SYNE2: variants seen among roughly 807,000 people sequenced by gnomAD.
The protein encoded by SYNE2 is nesprin-2.
Under a neutral mutation model 856.3 loss-of-function variants are expected in SYNE2, and 431 were observed. The observed-to-expected ratio is 0.50, with a 90% CI of 0.47 to 0.55. SYNE2 has a LOEUF of 0.55. SYNE2 is among the 20% of genes least tolerant of loss of function. SYNE2 has a pLI of 0.00. For missense variants in SYNE2, 8,129 were observed against 8,023.2 expected (o/e 1.01, Z -0.50); for synonymous variants, 2,923 against 2,872.3 (o/e 1.02, Z -0.56).
intron 1 of SYNE2, among the ~76,000 whole-genome samples, chr14:63,895,561 TG>T (rs1410160073): frequency 7.2e-6 from 1 of 139,554 alleles, no homozygotes; most frequent in Non-Finnish European, 1.5e-5. Flanking sequence ...GAGACCAGCC[TG>T]GGCAACATGG....
intron 102 of SYNE2, 21 bp downstream of exon 102, chr14:64,209,599 G>T: frequency 1.2e-6 from 2 of 1,613,260 alleles, no homozygotes; most frequent in East Asian, 2.2e-5. Flanking sequence ...TCTCCATCCC[G>T]GTCTCCTGAT....
chr14:63,924,030 C>T (rs2095631169), intron 2 of SYNE2, among the ~76,000 whole-genome samples: 1 of 152,026 alleles, frequency 6.6e-6, no homozygotes, highest in Non-Finnish European at 1.5e-5. Flanking sequence ...TGGTCTTGAA[C>T]TCCTGGGCTC....
intron 1 of SYNE2, among the ~76,000 whole-genome samples, chr14:63,832,436 C>G (rs7150579): frequency 1.3e-5 from 2 of 151,914 alleles, no homozygotes; most frequent in Non-Finnish European, 2.9e-5. Flanking sequence ...CCACCATTCC[C>G]GGCCTTAGCC....
At chr14:64,093,282 A>G in intron 60 of SYNE2, 67 bp from the exon 61 acceptor site, 1 of 1,585,624 alleles carries the variant, frequency 6.3e-7, no homozygotes, top group Non-Finnish European at 8.6e-7. Flanking sequence ...GGGCTAGACA[A>G]TGAAAATAGT....
chr14:63,765,085 G>C (rs1208428320), intron 1 of SYNE2, among the ~76,000 whole-genome samples: 1 of 152,124 alleles, frequency 6.6e-6, no homozygotes, highest in Non-Finnish European at 1.5e-5. Context: ...CTGAGGAAGG[G>C]GCTGTTCTAA....
chr14:63,939,442 G>A (rs1187048553), intron 2 of SYNE2, among the ~76,000 whole-genome samples: 1 of 149,888 alleles, frequency 6.7e-6, no homozygotes, highest in Admixed American at 6.7e-5. Flanking sequence ...CCGCCTCCTC[G>A]GTTCAAATGA....
In SYNE2 at chr14:64,031,024, G is replaced by A; in HGVS notation, c.6888G>A (p.Glu2296=). 1 of 1,613,378 alleles carries A rather than the reference G, an allele frequency of 6.2e-7. No homozygotes were observed. Among genetic ancestry groups the A allele is most frequent in the Non-Finnish European group, 8.5e-7 (1 of 1,179,558 alleles). The stretch of plus-strand genomic sequence containing the variant: ...CTTTTCTCCACTCGTAGGAACTAGA[G>A]AATAGACTCAGTTTACAAGATGGCA... ...EEKLQKLQEL[E]NRLSLQDGTL... is the part of the protein sequence containing the mutation. The change falls in exon 45 of 116, where the codon GAG becomes GAA. Residue 2296 remains glutamate, a synonymous_variant. Coordinates refer to ENST00000555002, the MANE Select transcript of SYNE2 (RefSeq NM_182914.3).
At chr14:64,118,671 G>A (rs1049877165) in intron 66 of SYNE2, among the ~76,000 whole-genome samples, 6 of 151,946 alleles carry the variant, frequency 3.9e-5, no homozygotes, top group African/African-American at 1.4e-4. Flanking sequence ...GACCAGCCTG[G>A]CCAAAATGGC....
At chr14:63,860,286 C>T (rs755314208) in intron 1 of SYNE2, among the ~76,000 whole-genome samples, 14 of 150,452 alleles carry the variant, frequency 9.3e-5, no homozygotes, top group Non-Finnish European at 2.9e-5. Flanking sequence ...GAACCCTCCC[C>T]TCCAGACAGG....
At chr14:63,854,822 A>G (rs1056186996) in intron 1 of SYNE2, among the ~76,000 whole-genome samples, 4 of 152,234 alleles carry the variant, frequency 2.6e-5, no homozygotes, top group African/African-American at 4.8e-5. Context: ...CTGAGTCACA[A>G]TGAGGTTATT....
chr14:64,214,356 G>A lies in SYNE2; in HGVS notation c.19219G>A (p.Glu6407Lys). 8 of 1,614,062 alleles carry A rather than the reference G, an allele frequency of 5.0e-6. No individual in the cohort carries two copies. The highest frequency in any genetic ancestry group is 4.4e-5 in the South Asian group (4 of 91,070). The change falls in exon 106 of 116, where the codon GAG (glutamate) becomes AAG (lysine). Residue 6407 changes from glutamate to lysine, a missense_variant. Glu to Lys is a moderately conservative substitution (Grantham distance 56). This residue lies in a region of SYNE2 where 5,410 missense variants were observed against 5,284.8 expected (regional missense o/e 1.02). Transcript: ENST00000555002. Reference sequence around the variant, plus strand: ...CCCAGGGCACGAGCGGTCTGGCTGCGAGACCCCTGTCAGCGTGGACTCCAT... The same window carrying A: ...CCCAGGGCACGAGCGGTCTGGCTGCAAGACCCCTGTCAGCGTGGACTCCAT... ...VAPGHERSGC[E>K]TPVSVDSIPL... is the part of the protein sequence containing the mutation.
At chr14:63,864,429 A>G (rs1894655474) in intron 1 of SYNE2, 1 of 152,244 alleles carries the variant, frequency 6.6e-6, no homozygotes, top group South Asian at 2.1e-4. Flanking sequence ...TGATTTGGTT[A>G]CAAAGACTCT....
chr14:64,193,732 T>A (rs1307289507), intron 99 of SYNE2, among the ~76,000 whole-genome samples: 1 of 151,928 alleles, frequency 6.6e-6, no homozygotes, highest in African/African-American at 2.4e-5. Flanking sequence ...AAAACCACAT[T>A]AGATTTCTGA....
intron 83 of SYNE2, among the ~76,000 whole-genome samples, 195 bp downstream of exon 83, chr14:64,144,143 T>C (rs2098163006): frequency 6.6e-6 from 1 of 152,214 alleles, no homozygotes; most frequent in Non-Finnish European, 1.5e-5. Flanking sequence ...AGTTCTTATA[T>C]TTGAGATTTC....
Position 63,913,752 on chromosome 14 carries a change from A to G in SYNE2, c.79+4525A>G, listed in dbSNP as rs1453876733. On this transcript the variant is annotated intron_variant, in intron 2 of 115. Coordinates refer to ENST00000555002, the MANE Select transcript of SYNE2 (RefSeq NM_182914.3). ...GCTGGGATTATAGGCGTGAGCCACA[A>G]CACCTGGCCAGCAGTCCATATTTTA... 2.0e-5 allele frequency among the ~76,000 whole-genome samples: 3 copies of G among 151,860 alleles called. No individual in the cohort carries two copies. In the East Asian group the frequency reaches 5.8e-4, roughly 29 times the overall value.
intron 11 of SYNE2, among the ~76,000 whole-genome samples, chr14:63,970,201 T>G (rs573566066): frequency 3.3e-5 from 5 of 152,312 alleles, no homozygotes; most frequent in African/African-American, 1.2e-4. Context: ...CCTGTCTTTT[T>G]TTTTTGAGAT....
At chr14:63,842,445 C>A (rs927522677) in intron 1 of SYNE2, among the ~76,000 whole-genome samples, 5 of 143,682 alleles carry the variant, frequency 3.5e-5, no homozygotes, top group Admixed American at 1.5e-4. Context: ...GGCCCTTTTG[C>A]CCATTTTTCT....
rs1483579729 is a variant in SYNE2, at chr14:63,880,549, ACTTTAT to A, written c.-52+27411_-52+27416del. On this transcript the variant is annotated intron_variant, in intron 1 of 115. Transcript: ENST00000555002. ...CAACTATTTTTATTTTTATTTTTGTACTTTATCTTTTAATGCTTGTTTATATGCATA... is the reference window on the plus strand; with the variant it reads ...CAACTATTTTTATTTTTATTTTTGTACTTTTAATGCTTGTTTATATGCATA... Among the ~76,000 whole-genome samples, 230 of 151,984 alleles carry A rather than the reference ACTTTAT, an allele frequency of 1.5e-3. 1 individual carries two copies. Among genetic ancestry groups the A allele is most frequent in the Non-Finnish European group, 8.1e-4 (55 of 67,962 alleles).
chr14:63,907,947 C>A (rs932653566), intron 1 of SYNE2, among the ~76,000 whole-genome samples: 3 of 152,088 alleles, frequency 2.0e-5, no homozygotes, highest in African/African-American at 7.2e-5. Context: ...TAGCTGAAAT[C>A]TTTAACAACA....
Sources: gnomAD v4.1 joint callset for allele counts (sites outside exome capture counted in the v4.1 genomes callset) on GRCh38, gnomAD v4.1.1 for gene constraint, gnomAD v4.1.1 regional missense constraint, MANE v1.5 for transcripts, NCBI Gene and HGNC (gene_info 2026-07-23, HGNC 2026-07-21) for gene names.